Variants in PCDHA11 observed in about 807,000 individuals in gnomAD.
PCDHA11 encodes the protein protocadherin alpha-11.
In PCDHA11, 61 loss-of-function variants were observed where a neutral mutation model predicts 70.3. That is an observed-to-expected ratio of 0.87 (90% confidence interval 0.71 to 1.07). The LOEUF (loss-of-function observed/expected upper bound fraction) is 1.07, where lower values mean the gene tolerates loss of function less well. PCDHA11 is among the 50% of genes least tolerant of loss of function. The pLI is 0.00. For missense variants in PCDHA11, 1,324 were observed against 1,237.5 expected (o/e 1.07, Z -1.05); for synonymous variants, 633 against 555.1 (o/e 1.14, Z -1.97).
In PCDHA11 at chr5:140,920,604, G is replaced by A. The variant is rs182788075; in HGVS notation, c.2391+49110G>A. 4.8e-4 allele frequency among the ~76,000 whole-genome samples: 73 copies of A among 152,238 alleles called. No homozygotes were observed. In the East Asian group the frequency reaches 0.011, roughly 22 times the overall value. On this transcript the variant is annotated intron_variant, in intron 1 of 3. Transcript: ENST00000398640. ...CTCACGCCTGTAATCCCAGCACTTT[G>A]GGAGGCCGAGGCGGATGGATCACAA...
intron 1 of PCDHA11, among the ~76,000 whole-genome samples, chr5:140,915,719 T>C (rs545655335): frequency 6.6e-6 from 1 of 152,074 alleles, no homozygotes; most frequent in African/African-American, 2.4e-5. Context: ...GCCCCCACTT[T>C]GGATTGTGCT....
At chr5:140,929,148 G>A in intron 1 of PCDHA11, 1 of 1,614,190 alleles carries the variant, frequency 6.2e-7, no homozygotes, top group Middle Eastern at 1.6e-4. Flanking sequence ...GACTTTCTCA[G>A]ACTTATCTCT....
At chr5:140,962,541 A>AGTT (rs2095690394) in intron 1 of PCDHA11, among the ~76,000 whole-genome samples, 1 of 152,220 alleles carries the variant, frequency 6.6e-6, no homozygotes, top group Non-Finnish European at 1.5e-5. Flanking sequence ...AGAACTAAAA[A>AGTT]TGTAGAGGAT....
chr5:140,870,263 C>T lies in PCDHA11; in HGVS notation c.1160C>T (p.Ser387Leu), dbSNP rs1581940012. The T allele has an allele frequency of 1.2e-6, 2 of 1,614,182 alleles. No individual in the cohort carries two copies. The highest frequency in any genetic ancestry group is 4.5e-5 in the East Asian group (2 of 44,876). Residue 387 changes from serine to leucine, a missense_variant, in exon 1 of 4, where the codon TCG becomes TTG. Ser to Leu is a moderately radical substitution (Grantham distance 145, BLOSUM62 -2). Transcript: ENST00000398640. ...GGTGTCAACGGACAGGTGACCTGCT[C>T]GCTGACGCCCCACGTTCCCTTCAAG... ...DSGVNGQVTC[S>L]LTPHVPFKLV...
At chr5:140,879,268 A>G (rs1289844412) in intron 1 of PCDHA11, among the ~76,000 whole-genome samples, 1 of 152,268 alleles carries the variant, frequency 6.6e-6, no homozygotes, top group East Asian at 1.9e-4. Flanking sequence ...CCAGATAATG[A>G]CAGACTCAAT....
At chr5:140,988,698 A>G (rs1563551697) in intron 3 of PCDHA11, among the ~76,000 whole-genome samples, 1 of 152,116 alleles carries the variant, frequency 6.6e-6, no homozygotes, top group East Asian at 1.9e-4. Context: ...GACGCTCTGT[A>G]TTTTCTTGGA....
chr5:140,908,493 G>T (rs545927854), intron 1 of PCDHA11, among the ~76,000 whole-genome samples: 14 of 152,270 alleles, frequency 9.2e-5, no homozygotes, highest in African/African-American at 3.4e-4. Flanking sequence ...AGTTCAGGTT[G>T]CTTGGTGACT....
chr5:140,870,561 C>T lies in PCDHA11; in HGVS notation c.1458C>T (p.Asn486=), dbSNP rs544569992. ...VSARDADAQE[N]ALVSYSLVER... ...CGCGGGACGCGGACGCGCAGGAGAA[C>T]GCGCTGGTGTCCTACTCGCTGGTGG... The change falls in exon 1 of 4, where the codon AAC becomes AAT. Residue 486 remains asparagine (N), a synonymous_variant. Coordinates refer to ENST00000398640, the MANE Select transcript of PCDHA11 (RefSeq NM_018902.5). The T allele has an allele frequency of 3.7e-6, 6 of 1,614,010 alleles. No individual in the cohort carries two copies. Among genetic ancestry groups the T allele is most frequent in the African/African-American group, 1.3e-5 (1 of 75,062 alleles).
chr5:140,973,863 T>C (rs868937124), intron 1 of PCDHA11, among the ~76,000 whole-genome samples: 1 of 152,224 alleles, frequency 6.6e-6, no homozygotes. Context: ...TTGCTCTCAA[T>C]GAGAGGTCAG....
At chr5:140,967,456 G>C in intron 1 of PCDHA11, 1 of 1,613,598 alleles carries the variant, frequency 6.2e-7, no homozygotes, top group Non-Finnish European at 8.5e-7. Context: ...TCACAGCCGT[G>C]GATGGGGGCA....
chr5:140,872,429 C>T (rs2053657736), intron 1 of PCDHA11, among the ~76,000 whole-genome samples: 1 of 152,028 alleles, frequency 6.6e-6, no homozygotes, highest in Non-Finnish European at 1.5e-5. Flanking sequence ...GAGTTCGAGG[C>T]CTGCCTGGAC....
intron 1 of PCDHA11, chr5:140,969,131 A>G: frequency 6.2e-7 from 1 of 1,614,138 alleles, no homozygotes; most frequent in South Asian, 1.1e-5. Flanking sequence ...CTCCCTCACC[A>G]AGACCTACTG....
intron 1 of PCDHA11, among the ~76,000 whole-genome samples, chr5:140,873,090 T>G (rs540850056): frequency 6.6e-6 from 1 of 152,198 alleles, no homozygotes; most frequent in Non-Finnish European, 1.5e-5. Context: ...CCCCCCCGTA[T>G]AGAGGCATAA....
intron 1 of PCDHA11, among the ~76,000 whole-genome samples, chr5:140,902,432 C>T (rs566549203): frequency 1.3e-5 from 2 of 152,128 alleles, no homozygotes; most frequent in African/African-American, 4.8e-5. Flanking sequence ...AAGTGGGCAT[C>T]CTTGTCATAT....
At chr5:140,984,405 C>T (rs782109046) in intron 3 of PCDHA11, among the ~76,000 whole-genome samples, 1 of 152,114 alleles carries the variant, frequency 6.6e-6, no homozygotes, top group Non-Finnish European at 1.5e-5. Context: ...GAGAACCTAT[C>T]TTTTTTACAG....
In PCDHA11 at chr5:140,903,730, A is replaced by G. The variant is rs2070542594; in HGVS notation, c.2391+32236A>G. Among the ~76,000 whole-genome samples, 4 of 152,350 alleles carry G rather than the reference A, an allele frequency of 2.6e-5. No homozygotes were observed. In the South Asian group the frequency reaches 8.3e-4, roughly 32 times the overall value. ...AAATATACAATTCTCCCTATTATCA[A>G]TTATTACAGAATGTTTCCCTTGATT... is the stretch of plus-strand genomic sequence containing the variant. On this transcript the variant is annotated intron_variant, in intron 1 of 3. Transcript: ENST00000398640.
chr5:140,876,120 T>C (rs782687154), intron 1 of PCDHA11: 15 of 1,613,844 alleles, frequency 9.3e-6, no homozygotes, highest in East Asian at 6.7e-5. Context: ...TGGTAATCGA[T>C]GGCGGTAAAC....
chr5:140,946,516 C>G (rs551838143), intron 1 of PCDHA11, among the ~76,000 whole-genome samples: 1 of 151,020 alleles, frequency 6.6e-6, no homozygotes, highest in Non-Finnish European at 1.5e-5. Context: ...AAGACCTATC[C>G]GCACTCCCAT....
At chr5:140,908,578 G>C (rs2074039304) in intron 1 of PCDHA11, among the ~76,000 whole-genome samples, 1 of 152,196 alleles carries the variant, frequency 6.6e-6, no homozygotes, top group South Asian at 2.1e-4. Flanking sequence ...CAAAAGGAGA[G>C]TAGTTAGCTG....
Sources: gnomAD v4.1 joint callset for allele counts (sites outside exome capture counted in the v4.1 genomes callset) on GRCh38, gnomAD v4.1.1 for gene constraint, MANE v1.5 for transcripts, NCBI Gene and HGNC (gene_info 2026-07-23, HGNC 2026-07-21) for gene names.